The following SNTG2 variants were observed in gnomAD, a reference collection of about 807,000 sequenced individuals.
The protein encoded by SNTG2 is syntrophin gamma 2, also known as gamma-2-syntrophin.
Under a neutral mutation model 70.9 loss-of-function variants are expected in SNTG2, and 74 were observed. The ratio of observed to expected loss-of-function variants is 1.04; its 90% CI spans 0.86 to 1.27. SNTG2 has a LOEUF of 1.27. Ranked by LOEUF, SNTG2 falls within the 50% of genes most tolerant of loss-of-function variation. SNTG2 has a pLI of 0.00. For missense variants in SNTG2, 717 were observed against 690.7 expected, an observed-to-expected ratio of 1.04 and a Z score of -0.43; for synonymous variants, 278 against 273.8, an observed-to-expected ratio of 1.02 and a Z score of -0.15.
intron 12 of SNTG2, among the ~76,000 whole-genome samples, chr2:1,248,453 CATAGG>C (rs1280071391): frequency 6.6e-6 from 1 of 152,222 alleles, no homozygotes; most frequent in East Asian, 1.9e-4. Flanking sequence ...CCAGAGATAA[CATAGG>C]ATATCATATT....
chr2:968,110 A>AATGCATTTG (rs1421930203), intron 1 of SNTG2, among the ~76,000 whole-genome samples: 1 of 151,224 alleles, frequency 6.6e-6, no homozygotes, highest in African/African-American at 2.4e-5. Flanking sequence ...ATTCATGCAG[A>AATGCATTTG]ATGCATTTGA....
intron 16 of SNTG2, among the ~76,000 whole-genome samples, chr2:1,327,315 A>G (rs146727663): frequency 8.3e-4 from 127 of 152,290 alleles, no homozygotes; most frequent in African/African-American, 3.0e-3. Flanking sequence ...TTTCTCTGAA[A>G]TAAGGCAAAA....
At chr2:1,123,673 C>G (rs1243195069) in intron 4 of SNTG2, among the ~76,000 whole-genome samples, 1 of 152,236 alleles carries the variant, frequency 6.6e-6, no homozygotes, top group Non-Finnish European at 1.5e-5. Context: ...TGTCACACCA[C>G]AACCTCAGAC....
intron 1 of SNTG2, among the ~76,000 whole-genome samples, chr2:985,984 CAGAA>C (rs1255011509): frequency 2.0e-5 from 3 of 151,418 alleles, no homozygotes; most frequent in African/African-American, 4.9e-5. Context: ...AAGCAAAGCT[CAGAA>C]AGGAAGAGGG....
chr2:984,690 T>C (rs1661247652), intron 1 of SNTG2, among the ~76,000 whole-genome samples: 1 of 152,098 alleles, frequency 6.6e-6, no homozygotes, highest in Non-Finnish European at 1.5e-5. Flanking sequence ...GCGGCCTCCA[T>C]GAGGGCACTG....
At chr2:972,818 C>T (rs957520461) in intron 1 of SNTG2, among the ~76,000 whole-genome samples, 1 of 152,162 alleles carries the variant, frequency 6.6e-6, no homozygotes, top group African/African-American at 2.4e-5. Flanking sequence ...TTGGAAGCTC[C>T]CTGAGGCCTC....
intron 8 of SNTG2, among the ~76,000 whole-genome samples, chr2:1,177,271 C>G (rs1671543113): frequency 6.6e-6 from 1 of 152,038 alleles, no homozygotes; most frequent in Admixed American, 6.6e-5. Context: ...TAAGTGGGAA[C>G]TGAACTATGA....
intron 14 of SNTG2, among the ~76,000 whole-genome samples, chr2:1,284,563 G>C (rs1679691925): frequency 6.6e-6 from 1 of 152,144 alleles, no homozygotes; most frequent in Non-Finnish European, 1.5e-5. Flanking sequence ...ACTTTCCTTT[G>C]ATGGAGACGC....
intron 1 of SNTG2, among the ~76,000 whole-genome samples, chr2:974,159 C>T (rs1660836698): frequency 6.6e-6 from 1 of 152,104 alleles, no homozygotes; most frequent in African/African-American, 2.4e-5. Flanking sequence ...TTGAGTTGAG[C>T]TGGGTGGTTG....
intron 8 of SNTG2, among the ~76,000 whole-genome samples, chr2:1,183,916 C>T (rs1042805914): frequency 1.1e-4 from 16 of 151,982 alleles, no homozygotes; most frequent in Admixed American, 3.3e-4. Flanking sequence ...GTGCTTTCTA[C>T]TTCTGGTAGT....
chr2:956,849 T>C (rs1660179238), intron 1 of SNTG2, among the ~76,000 whole-genome samples: 1 of 152,276 alleles, frequency 6.6e-6, no homozygotes, highest in Admixed American at 6.5e-5. Flanking sequence ...TTATTTTGTA[T>C]TTATGCCCAG....
At chr2:1,168,957 G>T (rs1670939567) in intron 7 of SNTG2, among the ~76,000 whole-genome samples, 1 of 152,174 alleles carries the variant, frequency 6.6e-6, no homozygotes, top group Non-Finnish European at 1.5e-5. Context: ...GCACCCCTGG[G>T]GTTTTGAGAA....
chr2:1,239,870 T>C, intron 11 of SNTG2, 94 bp downstream of exon 11: 1 of 1,466,826 alleles, frequency 6.8e-7, no homozygotes, highest in African/African-American at 1.4e-5. Context: ...AAGCAGTCTC[T>C]GGTTTTTTGA....
At chr2:1,238,706 C>G (rs1249683203) in intron 10 of SNTG2, among the ~76,000 whole-genome samples, 1 of 152,200 alleles carries the variant, frequency 6.6e-6, no homozygotes, top group East Asian at 1.9e-4. Flanking sequence ...TGGAGGCGGC[C>G]CTGGACCAGC....
chr2:1,078,111 A>C (rs575568143), intron 1 of SNTG2, among the ~76,000 whole-genome samples: 1 of 152,320 alleles, frequency 6.6e-6, no homozygotes, highest in South Asian at 2.1e-4. Context: ...TTGGAACTGC[A>C]TGGATAAAGT....
chr2:1,202,364 G>A (rs1673329673), intron 8 of SNTG2, among the ~76,000 whole-genome samples: 1 of 151,920 alleles, frequency 6.6e-6, no homozygotes, highest in African/African-American at 2.4e-5. Flanking sequence ...GTGTCAATAT[G>A]AAGTTTAAAG....
intron 1 of SNTG2, among the ~76,000 whole-genome samples, chr2:952,673 G>T (rs866380206): frequency 1.3e-5 from 2 of 151,926 alleles, no homozygotes; most frequent in African/African-American, 4.8e-5. Context: ...TTTTTTTTTA[G>T]CGTTGGAGGC....
chr2:1,335,074 A>G lies in SNTG2; in HGVS notation c.1488+18699A>G, dbSNP rs144999215. 8.7e-4 allele frequency among the ~76,000 whole-genome samples: 133 copies of G among 152,310 alleles called. 3 individuals are homozygous for G. In the East Asian group the frequency reaches 0.024, roughly 28 times the overall value. On this transcript the variant is annotated intron_variant, in intron 16 of 16. Transcript: ENST00000308624. ...ATCCCACTAATTGCCCTTTTCATAAAGAGATTCATGTGTTTTTGTCTCTCA... is the reference window on the plus strand; with the variant it reads ...ATCCCACTAATTGCCCTTTTCATAAGGAGATTCATGTGTTTTTGTCTCTCA...
chr2:1,123,076 A>G (rs1013493835), intron 4 of SNTG2, among the ~76,000 whole-genome samples: 3 of 152,210 alleles, frequency 2.0e-5, no homozygotes, highest in Admixed American at 6.5e-5. Flanking sequence ...ATACCAATAA[A>G]TGGAAAGATA....
Sources: gnomAD v4.1 joint callset for allele counts (sites outside exome capture counted in the v4.1 genomes callset) on GRCh38, gnomAD v4.1.1 for gene constraint, MANE v1.5 for transcripts, NCBI Gene and HGNC (gene_info 2026-07-23, HGNC 2026-07-21) for gene names.